Variants in PRSS23 observed in about 807,000 individuals in gnomAD.
The protein encoded by PRSS23 is protease, serine 23.
PRSS23 carries 25 observed loss-of-function variants against 34.7 expected under a neutral mutation model. The ratio of observed to expected loss-of-function variants is 0.72; its 90% CI spans 0.53 to 1.01. The LOEUF is 1.01. PRSS23 is among the 50% of genes least tolerant of loss of function. The probability of loss-of-function intolerance (pLI) is 0.00; values close to 1 mark genes in which losing one functional copy is unlikely to be tolerated. For missense variants in PRSS23, 445 were observed against 475.6 expected, an observed-to-expected ratio of 0.94 and a Z score of 0.60; for synonymous variants, 176 against 186.6, an observed-to-expected ratio of 0.94 and a Z score of 0.46.
rs1413342555 is a variant in PRSS23, at chr11:86,939,402, AAAT to A, written c.207-11812_207-11810del. 6.8e-3 allele frequency among the ~76,000 whole-genome samples: 413 copies of A among 60,368 alleles called. 1 individual carries two copies. Among genetic ancestry groups the A allele is most frequent in the African/African-American group, 0.019 (387 of 20,366 alleles). 39.6% of individuals were successfully genotyped at this position (60,368 alleles called of 152,430 possible). A position where few individuals can be genotyped will look rare whatever the true frequency, so the allele number is the denominator to read the frequency against. On this transcript the variant is annotated intron_variant, in intron 2 of 2. Transcript: ENST00000533902. ...GTTCCTATTTCTCAGTTAAAAAAAA[AAAT>A]ATATATATATATATATATATATTTT... is the stretch of plus-strand genomic sequence containing the variant.
chr11:86,797,036 G>A (rs1297413306), upstream of PRSS23, among the ~76,000 whole-genome samples: 1 of 152,194 alleles, frequency 6.6e-6, no homozygotes, highest in Non-Finnish European at 1.5e-5. Flanking sequence ...CGAGCTGAGG[G>A]GTATTTGCTT....
At chr11:86,934,446 G>A (rs1551501) in intron 2 of PRSS23, 94,739 of 151,508 alleles carry the variant, frequency 0.63, 30,083 homozygotes, top group Non-Finnish European at 0.69. Context: ...TTTCTCTGTT[G>A]AACTCCTCCC....
At chr11:86,921,497 A>G (rs935889535) in intron 2 of PRSS23, 1 of 152,354 alleles carries the variant, frequency 6.6e-6, no homozygotes, top group Non-Finnish European at 1.5e-5. Flanking sequence ...AAGTTCAGCC[A>G]GGCAAGCCTC....
intron 2 of PRSS23, among the ~76,000 whole-genome samples, chr11:86,898,423 T>C (rs1948890818): frequency 6.6e-6 from 1 of 152,232 alleles, no homozygotes; most frequent in African/African-American, 2.4e-5. Context: ...AATATTAATG[T>C]TGATATTTTT....
chr11:86,799,867 G>A (rs1343679539), upstream of PRSS23, among the ~76,000 whole-genome samples: 1 of 152,192 alleles, frequency 6.6e-6, no homozygotes, highest in Non-Finnish European at 1.5e-5. Flanking sequence ...GGTGCTTTGG[G>A]CCCCACGCAC....
chr11:86,870,548 T>G (rs932647216), intron 2 of PRSS23, among the ~76,000 whole-genome samples: 1 of 152,216 alleles, frequency 6.6e-6, no homozygotes, highest in East Asian at 1.9e-4. Flanking sequence ...TTACTTTTTG[T>G]CAAATTTAAA....
intron 2 of PRSS23, among the ~76,000 whole-genome samples, chr11:86,861,241 G>A (rs117958796): frequency 6.7e-6 from 1 of 149,820 alleles, no homozygotes; most frequent in Non-Finnish European, 1.5e-5. Flanking sequence ...GGGAGAGGGG[G>A]GCGATATTAC....
chr11:86,881,308 CT>C (rs1343670998), intron 2 of PRSS23, among the ~76,000 whole-genome samples: 3 of 143,178 alleles, frequency 2.1e-5, no homozygotes, highest in Non-Finnish European at 3.1e-5. Flanking sequence ...AAATGTTTGG[CT>C]TTTTTTTGTT....
intron 2 of PRSS23, among the ~76,000 whole-genome samples, chr11:86,895,444 G>C (rs1459787221): frequency 6.8e-6 from 1 of 146,126 alleles, no homozygotes; most frequent in Non-Finnish European, 1.5e-5. Context: ...GAGAATATCT[G>C]GATTTTTTAC....
At chr11:86,822,224 AT>A (rs991196045) in intron 1 of PRSS23, among the ~76,000 whole-genome samples, 5 of 152,182 alleles carry the variant, frequency 3.3e-5, no homozygotes, top group African/African-American at 1.2e-4. Flanking sequence ...GTAATTTTCC[AT>A]CCCATATGCC....
At chr11:86,917,201 C>A (rs1949019044) in intron 2 of PRSS23, among the ~76,000 whole-genome samples, 1 of 152,178 alleles carries the variant, frequency 6.6e-6, no homozygotes, top group African/African-American at 2.4e-5. Context: ...AGCCTGTAAT[C>A]CCAGCTACTC....
At chr11:86,818,139 G>T (rs953128334) in intron 1 of PRSS23, among the ~76,000 whole-genome samples, 1 of 152,174 alleles carries the variant, frequency 6.6e-6, no homozygotes, top group Non-Finnish European at 1.5e-5. Flanking sequence ...TACCTGCAGA[G>T]AAGATACACC....
At chr11:86,894,736 A>G (rs1948863610) in intron 2 of PRSS23, among the ~76,000 whole-genome samples, 2 of 152,154 alleles carry the variant, frequency 1.3e-5, no homozygotes, top group Admixed American at 1.3e-4. Context: ...CATCCCCTCT[A>G]TGCAGCCTTG....
chr11:86,850,117 C>T (rs1179525645), intron 2 of PRSS23, among the ~76,000 whole-genome samples: 3 of 152,164 alleles, frequency 2.0e-5, no homozygotes, highest in African/African-American at 4.8e-5. Flanking sequence ...TGACAGCCAT[C>T]CTACTATTAC....
At chr11:86,802,262 C>G (rs753125540) in intron 1 of PRSS23, among the ~76,000 whole-genome samples, 4 of 152,124 alleles carry the variant, frequency 2.6e-5, no homozygotes, top group Non-Finnish European at 5.9e-5. Context: ...GTCCCAGGCT[C>G]AATTTAGTTT....
intron 2 of PRSS23, among the ~76,000 whole-genome samples, chr11:86,870,450 T>C (rs1948677757): frequency 1.3e-5 from 2 of 152,080 alleles, no homozygotes; most frequent in Admixed American, 6.6e-5. Context: ...CTATTCTCCT[T>C]TGGCAGAGAT....
chr11:86,865,936 A>G (rs888624138), intron 2 of PRSS23, among the ~76,000 whole-genome samples: 1 of 152,224 alleles, frequency 6.6e-6, no homozygotes, highest in Non-Finnish European at 1.5e-5. Context: ...AAAAAACCAT[A>G]GGCCTGAGAG....
intron 2 of PRSS23, among the ~76,000 whole-genome samples, chr11:86,941,391 A>G (rs1949206486): frequency 6.6e-6 from 1 of 152,236 alleles, no homozygotes; most frequent in African/African-American, 2.4e-5. Flanking sequence ...GCGAACTTCT[A>G]GAGGGAAAGG....
chr11:86,849,902 G>C (rs1948516193), intron 2 of PRSS23, among the ~76,000 whole-genome samples: 1 of 152,088 alleles, frequency 6.6e-6, no homozygotes, highest in Non-Finnish European at 1.5e-5. Context: ...AAACTGAAGA[G>C]CCCTAGACAT....
Sources: allele counts gnomAD v4.1 joint callset (sites outside exome capture counted in the v4.1 genomes callset), GRCh38; gene constraint gnomAD v4.1.1; transcripts MANE v1.5; gene names NCBI Gene and HGNC (gene_info 2026-07-23, HGNC 2026-07-21).